ABHD2: variants seen among roughly 807,000 people sequenced by gnomAD.
The protein encoded by ABHD2 is abhydrolase domain containing 2, acylglycerol lipase, also known as monoacylglycerol lipase ABHD2.
Under a neutral mutation model 48.1 loss-of-function variants are expected in ABHD2, and 20 were observed. That is an observed-to-expected ratio of 0.42 (90% CI 0.29 to 0.60). The LOEUF (loss-of-function observed/expected upper bound fraction) is 0.60, where lower values mean the gene tolerates loss of function less well. ABHD2 is among the 20% of genes least tolerant of loss of function. The probability of loss-of-function intolerance (pLI) is 0.24; values close to 1 mark genes in which losing one functional copy is unlikely to be tolerated. For missense variants in ABHD2, 405 were observed against 550.9 expected, an observed-to-expected ratio of 0.74 and a Z score of 2.65; for synonymous variants, 209 against 214.2, an observed-to-expected ratio of 0.98 and a Z score of 0.21.
chr15:89,193,351 G>A, intron 10 of ABHD2, 32 bp downstream of exon 10: 1 of 1,572,452 alleles, frequency 6.4e-7, no homozygotes. Flanking sequence ...CCTCTCAACA[G>A]CTCAGCAAGT....
upstream of ABHD2, among the ~76,000 whole-genome samples, chr15:89,083,061 G>A (rs143652860): frequency 3.3e-5 from 5 of 152,238 alleles, no homozygotes; most frequent in South Asian, 8.3e-4. This position sits in a 1 kb window ranked among gnomAD's most constrained non-coding sequence, Gnocchi z 5.1. Context: ...CACCATGTTG[G>A]CCAGGCTGGT....
At chr15:89,065,260 C>T in the ABHD2 span, among the ~76,000 whole-genome samples, 1 of 152,176 alleles carries the variant, frequency 6.6e-6, no homozygotes. Flanking sequence ...CCCTCCACCT[C>T]TGCCTCTACT....
At position 89,101,959 on chromosome 15, in the gene ABHD2, G is replaced by GAAC. The variant is rs1596063912; in HGVS notation, c.-106-11766_-106-11765insAAC. ...ACTTCAGCCCCTCATATGAACAACAGTGCACAGCCCTATGCGCACAGCCAA... is the reference window on the plus strand; with the variant it reads ...ACTTCAGCCCCTCATATGAACAACAGAACTGCACAGCCCTATGCGCACAGCCAA... On this transcript the variant is annotated intron_variant, in intron 1 of 10. Coordinates refer to ENST00000352732, the MANE Select transcript of ABHD2 (RefSeq NM_152924.5). Among the ~76,000 whole-genome samples the GAAC allele has an allele frequency of 3.3e-5, 5 of 152,284 alleles. No individual in the cohort carries two copies. The East Asian group carries it at 7.7e-4, about 24-fold the overall frequency.
chr15:89,118,598 G>C (rs1425585485), intron 3 of ABHD2, among the ~76,000 whole-genome samples: 11 of 152,140 alleles, frequency 7.2e-5, no homozygotes, highest in Non-Finnish European at 1.6e-4. Flanking sequence ...TTCTTAGAGA[G>C]CTCTTGAAAA....
chr15:89,117,167 A>G (rs1462024941), intron 3 of ABHD2, among the ~76,000 whole-genome samples: 1 of 152,182 alleles, frequency 6.6e-6, no homozygotes, highest in Non-Finnish European at 1.5e-5. Context: ...CTGGAATTAC[A>G]GGTGTGCTCC....
rs978150798 is a variant in ABHD2, at chr15:89,198,053, T to C, written c.*2630T>C. On this transcript the variant is annotated 3_prime_UTR_variant, in exon 11 of 11. Transcript: ENST00000352732. The surrounding 1 kb of genome is among the most constrained non-coding windows in gnomAD (Gnocchi z 5.1). The stretch of plus-strand genomic sequence containing the variant: ...TGATAAATGAGGGAGTGGCAGTTTA[T>C]AGATAGGTCATCTTTTTTCCTTCCT... 2 of 152,252 alleles carry C rather than the reference T, an allele frequency of 1.3e-5. No individual in the cohort carries two copies. The highest frequency in any genetic ancestry group is 2.9e-5 in the Non-Finnish European group (2 of 68,046). 9.4% of individuals were successfully genotyped at this position (152,252 alleles called of 1,614,324 possible).
chr15:89,061,104 G>C, the ABHD2 span, among the ~76,000 whole-genome samples: 1 of 137,560 alleles, frequency 7.3e-6, no homozygotes, highest in Non-Finnish European at 1.6e-5. Flanking sequence ...AGGGAAGGAG[G>C]GAGGGAAGGA....
At chr15:89,190,879 T>C (rs190592771) in intron 8 of ABHD2, among the ~76,000 whole-genome samples, 14 of 152,306 alleles carry the variant, frequency 9.2e-5, no homozygotes, top group African/African-American at 2.2e-4. Flanking sequence ...CCTGCATACA[T>C]TTCATTGATA....
At chr15:89,081,142 G>T in the ABHD2 span, among the ~76,000 whole-genome samples, 1 of 149,938 alleles carries the variant, frequency 6.7e-6, no homozygotes, top group African/African-American at 2.5e-5. Context: ...TGGGACTACA[G>T]GAGCACGCCA....
chr15:89,118,629 C>T (rs1400963739), intron 3 of ABHD2, among the ~76,000 whole-genome samples: 1 of 152,100 alleles, frequency 6.6e-6, no homozygotes, highest in East Asian at 1.9e-4. Flanking sequence ...TAAAACCCTG[C>T]AAGTTTCTGT....
chr15:89,079,694 T>A, the ABHD2 span, among the ~76,000 whole-genome samples: 1 of 152,166 alleles, frequency 6.6e-6, no homozygotes, highest in African/African-American at 2.4e-5. This position sits in a 1 kb window ranked among gnomAD's most constrained non-coding sequence, Gnocchi z 4.3. Context: ...TGCGGCAAAT[T>A]AATAAACTTT....
chr15:89,119,302 C>T (rs2050010680), intron 3 of ABHD2, among the ~76,000 whole-genome samples: 1 of 152,166 alleles, frequency 6.6e-6, no homozygotes, highest in African/African-American at 2.4e-5. Context: ...CTGACTTGAA[C>T]ATGACAAATG....
chr15:89,093,181 T>C (rs1901666577), intron 1 of ABHD2, among the ~76,000 whole-genome samples: 1 of 143,382 alleles, frequency 7.0e-6, no homozygotes, highest in African/African-American at 2.6e-5. Flanking sequence ...TTCTTTTTTT[T>C]TTTTTTTTTT....
rs1225075196 is a variant in ABHD2, at chr15:89,198,079, C to T, written c.*2656C>T. ...AGATAGGTCATCTTTTTTCCTTCCTCCAGGTGTCCTTGCCTTTCTTCCCAA... is the reference window on the plus strand; with the variant it reads ...AGATAGGTCATCTTTTTTCCTTCCTTCAGGTGTCCTTGCCTTTCTTCCCAA... On this transcript the variant is annotated 3_prime_UTR_variant, in exon 11 of 11. Coordinates refer to ENST00000352732, the MANE Select transcript of ABHD2 (RefSeq NM_152924.5). This position sits in a 1 kb window ranked among gnomAD's most constrained non-coding sequence, Gnocchi z 5.1. The T allele has an allele frequency of 1.3e-5, 2 of 152,132 alleles. No individual in the cohort carries two copies. Among genetic ancestry groups the T allele is most frequent in the Non-Finnish European group, 2.9e-5 (2 of 68,010 alleles). 9.4% of individuals were successfully genotyped at this position (152,132 alleles called of 1,614,324 possible).
intron 3 of ABHD2, among the ~76,000 whole-genome samples, chr15:89,131,346 G>A (rs1038350884): frequency 5.9e-5 from 9 of 152,166 alleles, no homozygotes; most frequent in Non-Finnish European, 7.3e-5. Flanking sequence ...CCTCCACACA[G>A]CCTCTTTATT....
intron 3 of ABHD2, among the ~76,000 whole-genome samples, chr15:89,129,372 A>AAG (rs2150840829): frequency 6.6e-6 from 1 of 152,288 alleles, no homozygotes; most frequent in South Asian, 2.1e-4. Flanking sequence ...GAAACTCAGG[A>AAG]AGAATGAGGG....
At chr15:89,192,236 A>G (rs1014997899) in intron 9 of ABHD2, among the ~76,000 whole-genome samples, 3 of 152,200 alleles carry the variant, frequency 2.0e-5, no homozygotes, top group African/African-American at 7.2e-5. Flanking sequence ...GTTTAGCATC[A>G]TCAGGCTTTT....
intron 3 of ABHD2, among the ~76,000 whole-genome samples, chr15:89,121,180 A>G (rs902256537): frequency 1.3e-5 from 2 of 152,222 alleles, no homozygotes; most frequent in African/African-American, 2.4e-5. Flanking sequence ...TAAACTGGCC[A>G]CAGAACCCTG....
chr15:89,138,281 C>T (rs1390899601), intron 3 of ABHD2, among the ~76,000 whole-genome samples: 1 of 152,238 alleles, frequency 6.6e-6, no homozygotes, highest in Non-Finnish European at 1.5e-5. Flanking sequence ...TTTGCAGACT[C>T]GTGGAGCTGC....
Sources: allele counts gnomAD v4.1 joint callset (sites outside exome capture counted in the v4.1 genomes callset), GRCh38; gene constraint gnomAD v4.1.1; non-coding constraint Gnocchi (gnomAD v3.1); transcripts MANE v1.5; gene names NCBI Gene and HGNC (gene_info 2026-07-23, HGNC 2026-07-21).